PTPRR: variants seen among roughly 807,000 people sequenced by gnomAD.
PTPRR encodes the protein protein tyrosine phosphatase receptor type R.
PTPRR carries 38 observed loss-of-function variants against 77.2 expected under a neutral mutation model. The ratio of observed to expected loss-of-function variants is 0.49; its 90% CI spans 0.38 to 0.65. The LOEUF (loss-of-function observed/expected upper bound fraction) is 0.65. Ranked by LOEUF, PTPRR falls within the 30% of genes least tolerant of loss-of-function variation. The probability of loss-of-function intolerance (pLI) is 0.00; values close to 1 mark genes in which losing one functional copy is unlikely to be tolerated. For missense variants in PTPRR, 744 were observed against 799.2 expected, an observed-to-expected ratio of 0.93 and a Z score of 0.83; for synonymous variants, 299 against 283.1, an observed-to-expected ratio of 1.06 and a Z score of -0.57.
intron 6 of PTPRR, among the ~76,000 whole-genome samples, chr12:70,718,319 G>C (rs550648440): frequency 1.3e-5 from 2 of 151,820 alleles, no homozygotes; most frequent in South Asian, 4.2e-4. Flanking sequence ...AGGTTGGAGT[G>C]CAATAGCACG....
chr12:70,821,114 T>G (rs950934943), intron 2 of PTPRR, among the ~76,000 whole-genome samples: 1 of 151,042 alleles, frequency 6.6e-6, no homozygotes, highest in Non-Finnish European at 1.5e-5. Flanking sequence ...GTTGTCCATA[T>G]AGGACGATGT....
intron 2 of PTPRR, among the ~76,000 whole-genome samples, chr12:70,804,905 A>C (rs1259720666): frequency 1.3e-5 from 2 of 152,226 alleles, no homozygotes; most frequent in African/African-American, 2.4e-5. Context: ...GCCCATTGTG[A>C]AAATTTGAAA....
At chr12:70,823,837 G>A (rs1414976107) in intron 2 of PTPRR, among the ~76,000 whole-genome samples, 1 of 152,168 alleles carries the variant, frequency 6.6e-6, no homozygotes, top group Non-Finnish European at 1.5e-5. Flanking sequence ...ATAGAAAGGG[G>A]CTGCTCCTGG....
rs143476229 is a variant in PTPRR at position 70,914,838 on chromosome 12, C to T, written c.58+5495G>A. On this transcript the variant is annotated intron_variant, in intron 1 of 13. Coordinates refer to ENST00000283228, the MANE Select transcript of PTPRR (RefSeq NM_002849.4). ...GCCCTGTCTCTAACAACAACAACAGCAACAACAACAACAACAAAAACAAAA... is the reference window on the plus strand; with the variant it reads ...GCCCTGTCTCTAACAACAACAACAGTAACAACAACAACAACAAAAACAAAA... Among the ~76,000 whole-genome samples the T allele has an allele frequency of 3.4e-3, 518 of 150,986 alleles. 5 individuals are homozygous for T. Among genetic ancestry groups the T allele is most frequent in the African/African-American group, 0.012 (488 of 41,068 alleles).
At chr12:70,668,809 A>C (rs758810268) in intron 10 of PTPRR, among the ~76,000 whole-genome samples, 1 of 152,196 alleles carries the variant, frequency 6.6e-6, no homozygotes, top group Non-Finnish European at 1.5e-5. Context: ...TAAAAATAAA[A>C]ATTTAAATAA....
At chr12:70,651,710 G>C (rs114233977) in intron 13 of PTPRR, among the ~76,000 whole-genome samples, 82 of 152,200 alleles carry the variant, frequency 5.4e-4, no homozygotes, top group African/African-American at 1.9e-3. Flanking sequence ...AAAGAGATAT[G>C]TTTTTGTCAA....
intron 1 of PTPRR, among the ~76,000 whole-genome samples, chr12:70,900,972 T>C (rs61680555): frequency 0.045 from 6,801 of 151,536 alleles, 492 homozygotes; most frequent in African/African-American, 0.15. Context: ...TGGGACCAGA[T>C]ATGTTTTGAA....
chr12:70,909,195 T>G (rs1056709175), intron 1 of PTPRR, among the ~76,000 whole-genome samples: 9 of 152,146 alleles, frequency 5.9e-5, no homozygotes, highest in Non-Finnish European at 1.3e-4. Context: ...CTGCACCCAC[T>G]GGGAATTTGC....
At position 70,861,477 on chromosome 12, in the gene PTPRR, G is replaced by T. The variant is rs548169595; in HGVS notation, c.357+31202C>A. On this transcript the variant is annotated intron_variant, in intron 2 of 13. Coordinates refer to ENST00000283228, the MANE Select transcript of PTPRR (RefSeq NM_002849.4). Reference sequence around the variant, plus strand: ...CATATGAAAAATAGGATAAACTTTTGTAGAAGTCATCAGTCGGATTGTAAA... The same window carrying T: ...CATATGAAAAATAGGATAAACTTTTTTAGAAGTCATCAGTCGGATTGTAAA... Among the ~76,000 whole-genome samples, 8 of 152,254 alleles carry T rather than the reference G, an allele frequency of 5.3e-5. No individual in the cohort carries two copies. In the South Asian group the frequency reaches 1.7e-3, roughly 32 times the overall value.
chr12:70,776,493 C>A (rs938020869), intron 2 of PTPRR, among the ~76,000 whole-genome samples: 6 of 152,134 alleles, frequency 3.9e-5, no homozygotes, highest in African/African-American at 1.4e-4. Flanking sequence ...CTGAAAAAAT[C>A]TCATTTTCTA....
chr12:70,881,329 C>A (rs775148724), intron 2 of PTPRR, among the ~76,000 whole-genome samples: 48 of 152,150 alleles, frequency 3.2e-4, no homozygotes, highest in Non-Finnish European at 5.0e-4. Context: ...CCCTGGTCAT[C>A]CTAACACATA....
At chr12:70,821,447 G>A (rs561449820) in intron 2 of PTPRR, among the ~76,000 whole-genome samples, 56 of 151,216 alleles carry the variant, frequency 3.7e-4, no homozygotes, top group Non-Finnish European at 7.1e-4. Context: ...GGCTGGTCTC[G>A]AACTCCTGAC....
At chr12:70,649,625 G>A (rs1220917048) in intron 13 of PTPRR, among the ~76,000 whole-genome samples, 1 of 152,058 alleles carries the variant, frequency 6.6e-6, no homozygotes, top group Non-Finnish European at 1.5e-5. Flanking sequence ...GCCCAGCCTG[G>A]AGTGCAGTGG....
intron 6 of PTPRR, among the ~76,000 whole-genome samples, chr12:70,738,611 CAG>C (rs1355860088): frequency 3.9e-5 from 6 of 152,210 alleles, no homozygotes; most frequent in Non-Finnish European, 7.4e-5. Context: ...GGAAAATGTG[CAG>C]AATCTTTCAG....
At chr12:70,734,954 G>A (rs1398553048) in intron 6 of PTPRR, among the ~76,000 whole-genome samples, 1 of 152,096 alleles carries the variant, frequency 6.6e-6, no homozygotes, top group East Asian at 1.9e-4. Flanking sequence ...TTTGTCTCAT[G>A]ACGTACCATT....
At chr12:70,861,111 G>A (rs1178617996) in intron 2 of PTPRR, among the ~76,000 whole-genome samples, 1 of 152,054 alleles carries the variant, frequency 6.6e-6, no homozygotes, top group African/African-American at 2.4e-5. Context: ...TTGAATAAAC[G>A]AAGAACTCCT....
At chr12:70,728,732 A>G (rs1185353734) in intron 6 of PTPRR, among the ~76,000 whole-genome samples, 1 of 151,624 alleles carries the variant, frequency 6.6e-6, no homozygotes, top group Non-Finnish European at 1.5e-5. Context: ...GCTTCCTTCA[A>G]TTCTCAAAGT....
chr12:70,884,871 C>CAAAAAAAAAAAAAAAAAAAAAA (rs529547383), intron 2 of PTPRR, among the ~76,000 whole-genome samples: 2 of 53,930 alleles, frequency 3.7e-5, no homozygotes, highest in African/African-American at 1.9e-4. Context: ...AACTCTGTCT[C>CAAAAAAAAAAAAAAAAAAAAAA]AAAAAAAAAA....
At chr12:70,737,533 T>TCTAC (rs1159929911) in intron 6 of PTPRR, among the ~76,000 whole-genome samples, 1 of 148,752 alleles carries the variant, frequency 6.7e-6, no homozygotes, top group African/African-American at 2.6e-5. Flanking sequence ...TATCTATCTA[T>TCTAC]CTTTCGAGAC....
Sources: gnomAD v4.1 joint callset for allele counts (sites outside exome capture counted in the v4.1 genomes callset) on GRCh38, gnomAD v4.1.1 for gene constraint, MANE v1.5 for transcripts, NCBI Gene and HGNC (gene_info 2026-07-23, HGNC 2026-07-21) for gene names.